Variants in CPNE8 observed in about 807,000 individuals in gnomAD.
CPNE8 encodes copine 8.
A neutral mutation model predicts 81.5 loss-of-function variants in CPNE8; 45 were observed. That is an observed-to-expected ratio of 0.55 (90% CI 0.44 to 0.71). The LOEUF is 0.71. CPNE8 is among the 30% of genes least tolerant of loss of function. The probability of loss-of-function intolerance (pLI) is 0.00; values close to 1 mark genes in which losing one functional copy is unlikely to be tolerated. For missense variants in CPNE8, 594 were observed against 672.1 expected, an observed-to-expected ratio of 0.88 and a Z score of 1.28; for synonymous variants, 252 against 226.3, an observed-to-expected ratio of 1.11 and a Z score of -1.02.
At chr12:38,799,660 T>A (rs752439880) in intron 6 of CPNE8, among the ~76,000 whole-genome samples, 1 of 151,966 alleles carries the variant, frequency 6.6e-6, no homozygotes, top group Non-Finnish European at 1.5e-5. Flanking sequence ...GGAGTCAAGA[T>A]GGCCGAATAG....
At chr12:38,714,069 T>C (rs1940327115) in intron 13 of CPNE8, among the ~76,000 whole-genome samples, 2 of 152,160 alleles carry the variant, frequency 1.3e-5, no homozygotes, top group South Asian at 2.1e-4. Context: ...GTCATAACAC[T>C]TGAGAGACAT....
chr12:38,672,775 T>C (rs971857160), intron 18 of CPNE8, among the ~76,000 whole-genome samples: 4 of 152,220 alleles, frequency 2.6e-5, no homozygotes, highest in African/African-American at 9.6e-5. Flanking sequence ...AGTTTTAAAA[T>C]GGTCTTATCA....
chr12:38,788,340 C>A (rs564058762), intron 6 of CPNE8, among the ~76,000 whole-genome samples: 1 of 151,730 alleles, frequency 6.6e-6, no homozygotes, highest in African/African-American at 2.4e-5. Flanking sequence ...TAAATCAGAT[C>A]AACAAAATAA....
chr12:38,678,747 A>G (rs1232514325), intron 16 of CPNE8, among the ~76,000 whole-genome samples: 1 of 151,944 alleles, frequency 6.6e-6, no homozygotes, highest in East Asian at 1.9e-4. Context: ...CTAATAAAAT[A>G]CTGGTAATTT....
chr12:38,706,565 T>C (rs984483045), intron 13 of CPNE8, among the ~76,000 whole-genome samples: 9 of 152,180 alleles, frequency 5.9e-5, no homozygotes, highest in Non-Finnish European at 8.8e-5. Flanking sequence ...ATAATATGTA[T>C]ATATTCTTTT....
intron 3 of CPNE8, among the ~76,000 whole-genome samples, chr12:38,852,119 G>C (rs1943655968): frequency 6.6e-6 from 1 of 151,954 alleles, no homozygotes; most frequent in African/African-American, 2.4e-5. Context: ...CTTATATTTT[G>C]CTACTATACA....
At chr12:38,665,929 A>G (rs1317528890) in intron 19 of CPNE8, among the ~76,000 whole-genome samples, 2 of 152,180 alleles carry the variant, frequency 1.3e-5, no homozygotes, top group Non-Finnish European at 2.9e-5. Context: ...CACAGCTACT[A>G]TGAAATAATG....
chr12:38,888,980 C>G (rs1296795576), intron 1 of CPNE8, among the ~76,000 whole-genome samples: 2 of 152,180 alleles, frequency 1.3e-5, no homozygotes, highest in Non-Finnish European at 2.9e-5. Flanking sequence ...AATTATCAAG[C>G]ACTTTCTATA....
intron 1 of CPNE8, among the ~76,000 whole-genome samples, chr12:38,897,723 CAT>C (rs1184629517): frequency 6.6e-6 from 1 of 151,730 alleles, no homozygotes; most frequent in East Asian, 1.9e-4. Context: ...TGATGCTATA[CAT>C]GAGACAAAAA....
intron 16 of CPNE8, among the ~76,000 whole-genome samples, chr12:38,684,496 T>G (rs544024486): frequency 6.6e-6 from 1 of 152,250 alleles, no homozygotes; most frequent in Admixed American, 6.5e-5. Context: ...AGGGTCACAC[T>G]CAGAGAAAAG....
intron 1 of CPNE8, 87 bp downstream of exon 1, chr12:38,905,350 A>G (rs896729757): frequency 3.4e-6 from 5 of 1,455,992 alleles, no homozygotes; most frequent in Admixed American, 2.0e-5. Context: ...TGCCTGCGCA[A>G]AGCCTCGTGG....
chr12:38,673,886 C>T (rs545439974), intron 18 of CPNE8, among the ~76,000 whole-genome samples: 10 of 151,682 alleles, frequency 6.6e-5, no homozygotes, highest in South Asian at 2.1e-4. Context: ...GGCAAAACTC[C>T]GCCTCTATAA....
intron 3 of CPNE8, among the ~76,000 whole-genome samples, chr12:38,869,507 C>T (rs532939347): frequency 6.6e-6 from 1 of 152,258 alleles, no homozygotes; most frequent in Non-Finnish European, 1.5e-5. Flanking sequence ...TCAAAATAAA[C>T]TCTTTCTCAA....
chr12:38,826,625 T>C (rs1943197841), intron 6 of CPNE8, among the ~76,000 whole-genome samples: 1 of 152,198 alleles, frequency 6.6e-6, no homozygotes, highest in African/African-American at 2.4e-5. Context: ...TGGTCATACC[T>C]AGTGGGAATT....
intron 1 of CPNE8, among the ~76,000 whole-genome samples, chr12:38,897,219 A>G (rs1269109409): frequency 2.0e-5 from 3 of 152,142 alleles, no homozygotes; most frequent in Non-Finnish European, 4.4e-5. Flanking sequence ...TAATAAAAGT[A>G]TTTAGAAAAG....
chr12:38,796,954 A>G (rs1942494773), intron 6 of CPNE8, among the ~76,000 whole-genome samples: 1 of 152,200 alleles, frequency 6.6e-6, no homozygotes, highest in Non-Finnish European at 1.5e-5. Flanking sequence ...CTAGCACAGC[A>G]GTATGAGATC....
intron 14 of CPNE8, among the ~76,000 whole-genome samples, chr12:38,695,831 C>T (rs1326444674): frequency 6.6e-6 from 1 of 151,976 alleles, no homozygotes; most frequent in Non-Finnish European, 1.5e-5. Flanking sequence ...CTCAGCTGCT[C>T]AGGAAGCTGA....
intron 10 of CPNE8, among the ~76,000 whole-genome samples, chr12:38,756,780 C>G (rs568588120): frequency 6.6e-6 from 1 of 152,184 alleles, no homozygotes; most frequent in African/African-American, 2.4e-5. Context: ...ACATGGACTT[C>G]ATTAAAGTCT....
chr12:38,767,490 T>G, intron 8 of CPNE8, 145 bp downstream of exon 8: 1 of 495,690 alleles, frequency 2.0e-6, no homozygotes, highest in East Asian at 3.7e-5. Flanking sequence ...TGCACAATAT[T>G]TTGAGATGCA....
Sources: allele counts gnomAD v4.1 joint callset (sites outside exome capture counted in the v4.1 genomes callset), GRCh38; gene constraint gnomAD v4.1.1; transcripts MANE v1.5; gene names NCBI Gene and HGNC (gene_info 2026-07-23, HGNC 2026-07-21).